Variants in PTPN1 observed in about 807,000 individuals in gnomAD.
The protein encoded by PTPN1 is protein tyrosine phosphatase non-receptor type 1, also known as tyrosine-protein phosphatase non-receptor type 1.
In PTPN1, 12 loss-of-function variants were observed where a neutral mutation model predicts 59.9. That is an observed-to-expected ratio of 0.20 (90% confidence interval 0.13 to 0.32). The LOEUF (loss-of-function observed/expected upper bound fraction) is 0.32, where lower values mean the gene tolerates loss of function less well. Among genes scored for constraint, PTPN1 ranks in the 10% least tolerant of loss-of-function variants. PTPN1 has a pLI of 1.00. For missense variants in PTPN1, 356 were observed against 549.2 expected, an observed-to-expected ratio of 0.65 and a Z score of 3.52; for synonymous variants, 178 against 203.6, an observed-to-expected ratio of 0.87 and a Z score of 1.07.
At chr20:50,518,186 G>A (rs1002821177) in intron 1 of PTPN1, among the ~76,000 whole-genome samples, 2 of 152,142 alleles carry the variant, frequency 1.3e-5, no homozygotes, top group Non-Finnish European at 2.9e-5. Flanking sequence ...ACAGCAAACA[G>A]CTTAGCTAAT....
chr20:50,534,282 T>A (rs550621811), intron 1 of PTPN1, among the ~76,000 whole-genome samples: 83 of 152,340 alleles, frequency 5.4e-4, no homozygotes, highest in African/African-American at 1.9e-3. Context: ...AAATGAGACT[T>A]TAGATTTTCT....
At chr20:50,577,785 C>G (rs2082843816) in intron 5 of PTPN1, 1 of 152,408 alleles carries the variant, frequency 6.6e-6, no homozygotes, top group Non-Finnish European at 1.5e-5. Context: ...GATGGGAGTG[C>G]CTGCCTGGAG....
At chr20:50,578,663 CCT>C in intron 6 of PTPN1, 34 bp downstream of exon 6, 1 of 1,562,718 alleles carries the variant, frequency 6.4e-7, no homozygotes, top group South Asian at 1.1e-5. Flanking sequence ...CTGGGGAGCT[CCT>C]CTACCTGCTC....
chr20:50,528,927 C>T (rs1220100665), intron 1 of PTPN1, among the ~76,000 whole-genome samples: 2 of 151,996 alleles, frequency 1.3e-5, no homozygotes, highest in Non-Finnish European at 2.9e-5. Flanking sequence ...TTTCTCTGTT[C>T]CTTTTTATAG....
chr20:50,539,934 G>A (rs376978225), intron 1 of PTPN1, among the ~76,000 whole-genome samples: 5 of 150,124 alleles, frequency 3.3e-5, no homozygotes, highest in Non-Finnish European at 7.4e-5. Flanking sequence ...TCCGTTTTTC[G>A]TCTGGTACAT....
intron 1 of PTPN1, among the ~76,000 whole-genome samples, chr20:50,550,359 T>C (rs1454661323): frequency 6.6e-6 from 1 of 152,190 alleles, no homozygotes; most frequent in Non-Finnish European, 1.5e-5. Context: ...TTCCAGTGAG[T>C]AAAAGGTACC....
intron 1 of PTPN1, among the ~76,000 whole-genome samples, chr20:50,511,726 C>T (rs1482293710): frequency 6.6e-6 from 1 of 152,192 alleles, no homozygotes. Flanking sequence ...AATTAAATGT[C>T]ATTGCGGGGG....
chr20:50,537,196 A>C (rs2082627599), intron 1 of PTPN1, among the ~76,000 whole-genome samples: 2 of 152,080 alleles, frequency 1.3e-5, no homozygotes, highest in Non-Finnish European at 2.9e-5. Context: ...GGTGGCGGGC[A>C]CCTGTAATCC....
intron 4 of PTPN1, chr20:50,574,200 CT>C: frequency 3.6e-6 from 1 of 278,642 alleles, no homozygotes; most frequent in Non-Finnish European, 6.6e-6. Context: ...GTTTCAAAGC[CT>C]TTTGTTCAAT....
intron 1 of PTPN1, among the ~76,000 whole-genome samples, chr20:50,516,617 AGAATG>A (rs2082530069): frequency 1.3e-5 from 2 of 152,356 alleles, no homozygotes; most frequent in Admixed American, 1.3e-4. Flanking sequence ...ACAACTCAAA[AGAATG>A]GGGTGTTTTT....
At chr20:50,581,957 C>T (rs1022032397) in intron 9 of PTPN1, among the ~76,000 whole-genome samples, 8 of 152,152 alleles carry the variant, frequency 5.3e-5, no homozygotes, top group South Asian at 2.1e-4. Context: ...CAAACTTTTA[C>T]GAATGTAAAC....
intron 1 of PTPN1, among the ~76,000 whole-genome samples, chr20:50,544,469 G>A (rs2082666300): frequency 6.6e-6 from 1 of 152,180 alleles, no homozygotes; most frequent in African/African-American, 2.4e-5. Flanking sequence ...TTTTTTAAAT[G>A]TGCAAACAGA....
rs1435698416 is a variant in PTPN1, at chr20:50,583,585, T to C, written c.*870T>C. ...TCTCTGCTTACTAATGTGCCCCATG[T>C]CCAAGTCCAACCTGCCTGTGCATGA... On this transcript the variant is annotated 3_prime_UTR_variant, in exon 10 of 10. Coordinates refer to ENST00000371621, the MANE Select transcript of PTPN1 (RefSeq NM_002827.4). 1 of 152,306 alleles carries C rather than the reference T, an allele frequency of 6.6e-6. No homozygotes were observed. Among genetic ancestry groups the C allele is most frequent in the Non-Finnish European group, 1.5e-5 (1 of 68,078 alleles). The allele number at this position is 152,306 out of a possible 1,614,324, so 9.4% of individuals were successfully genotyped here. A position where few individuals can be genotyped will look rare whatever the true frequency, so the allele number is the denominator to read the frequency against.
chr20:50,517,531 T>G (rs1160844938), intron 1 of PTPN1, among the ~76,000 whole-genome samples: 1 of 152,232 alleles, frequency 6.6e-6, no homozygotes. Context: ...AGTGTTGGGA[T>G]TACAGGTGTG....
chr20:50,531,577 A>G (rs1382055335), intron 1 of PTPN1, among the ~76,000 whole-genome samples: 1 of 152,140 alleles, frequency 6.6e-6, no homozygotes, highest in East Asian at 1.9e-4. Flanking sequence ...GGGTTTCACC[A>G]TGTTGGCCAG....
intron 1 of PTPN1, among the ~76,000 whole-genome samples, chr20:50,528,741 AAAAAAAAAAAG>A (rs1347042533): frequency 2.0e-5 from 3 of 151,380 alleles, no homozygotes; most frequent in East Asian, 3.9e-4. Context: ...CATCTTAAAA[AAAAAAAAAAAG>A]AAAAAAGAAA....
chr20:50,557,964 A>G (rs1432452190), intron 1 of PTPN1: 1 of 152,308 alleles, frequency 6.6e-6, no homozygotes, highest in Admixed American at 6.5e-5. Flanking sequence ...CCTCCCGCGT[A>G]GCTGAGACTA....
At chr20:50,544,300 A>G (rs1394305126) in intron 1 of PTPN1, among the ~76,000 whole-genome samples, 1 of 152,022 alleles carries the variant, frequency 6.6e-6, no homozygotes, top group Non-Finnish European at 1.5e-5. Flanking sequence ...ACAGACATGT[A>G]CCACCACACC....
intron 1 of PTPN1, among the ~76,000 whole-genome samples, chr20:50,541,261 T>G (rs753681439): frequency 5.3e-5 from 8 of 152,236 alleles, no homozygotes; most frequent in Admixed American, 3.3e-4. Context: ...TACTTTCTTA[T>G]GCGGTTCTTA....
Sources: allele counts gnomAD v4.1 joint callset (sites outside exome capture counted in the v4.1 genomes callset), GRCh38; gene constraint gnomAD v4.1.1; transcripts MANE v1.5; gene names NCBI Gene and HGNC (gene_info 2026-07-23, HGNC 2026-07-21).